The following MCTP1 variants were observed in gnomAD, a reference collection of about 807,000 sequenced individuals.
MCTP1 encodes the protein multiple C2 and transmembrane domain-containing protein 1.
A neutral mutation model predicts 120.6 loss-of-function variants in MCTP1; 69 were observed. The ratio of observed to expected loss-of-function variants is 0.57; its 90% CI spans 0.47 to 0.70. MCTP1 has a LOEUF of 0.70. Ranked by LOEUF, MCTP1 falls within the 30% of genes least tolerant of loss-of-function variation. MCTP1 has a pLI of 0.00. For synonymous variants in MCTP1, 529 were observed against 493.1 expected, an observed-to-expected ratio of 1.07 and a Z score of -0.96; for missense variants, 1,203 against 1,248.8, an observed-to-expected ratio of 0.96 and a Z score of 0.55.
chr5:95,078,643 T>C (rs1270918846), intron 1 of MCTP1, among the ~76,000 whole-genome samples: 1 of 152,188 alleles, frequency 6.6e-6, no homozygotes, highest in African/African-American at 2.4e-5. Context: ...TGTAGTACTT[T>C]ATAGCAGTCA....
chr5:94,868,180 G>A, intron 17 of MCTP1, 153 bp downstream of exon 17: 1 of 623,264 alleles, frequency 1.6e-6, no homozygotes, highest in Non-Finnish European at 2.4e-6. Flanking sequence ...AATCCATCAG[G>A]TTCCTGCCCA....
intron 1 of MCTP1, among the ~76,000 whole-genome samples, chr5:95,044,752 T>C (rs1842894674): frequency 6.6e-6 from 1 of 151,950 alleles, no homozygotes; most frequent in African/African-American, 2.4e-5. Flanking sequence ...ATCAGAAGTG[T>C]ACCCTTCAAC....
chr5:94,913,738 T>C (rs893653376), intron 8 of MCTP1, among the ~76,000 whole-genome samples: 1 of 152,142 alleles, frequency 6.6e-6, no homozygotes, highest in African/African-American at 2.4e-5. Flanking sequence ...AGAGTCTTGC[T>C]CTGTCACCCA....
chr5:95,092,612 T>C (rs1264366567), intron 1 of MCTP1, among the ~76,000 whole-genome samples: 1 of 152,040 alleles, frequency 6.6e-6, no homozygotes, highest in Non-Finnish European at 1.5e-5. Flanking sequence ...ATTGTATAGA[T>C]GTATCAAAAT....
intron 1 of MCTP1, among the ~76,000 whole-genome samples, chr5:95,168,112 A>G (rs1437780666): frequency 6.6e-6 from 1 of 152,218 alleles, no homozygotes; most frequent in Non-Finnish European, 1.5e-5. Flanking sequence ...CTTTCTACAT[A>G]TGGCTAGCCA....
intron 2 of MCTP1, among the ~76,000 whole-genome samples, chr5:95,004,367 T>C (rs1286834689): frequency 1.3e-5 from 2 of 152,308 alleles, no homozygotes; most frequent in East Asian, 1.9e-4. Context: ...GAAAAATCCA[T>C]TTTCTGGGGA....
intron 2 of MCTP1, among the ~76,000 whole-genome samples, chr5:94,956,025 G>A (rs1427434557): frequency 6.6e-6 from 1 of 152,178 alleles, no homozygotes; most frequent in African/African-American, 2.4e-5. Context: ...AGTTCTGGCT[G>A]GTATCTGGTG....
chr5:95,259,524 A>G (rs1256158976), intron 1 of MCTP1, among the ~76,000 whole-genome samples: 1 of 152,148 alleles, frequency 6.6e-6, no homozygotes, highest in African/African-American at 2.4e-5. Context: ...CTCGAAATCA[A>G]CAACATTGTC....
intron 2 of MCTP1, among the ~76,000 whole-genome samples, chr5:94,970,302 T>C (rs1281329814): frequency 1.3e-5 from 2 of 152,014 alleles, no homozygotes; most frequent in Non-Finnish European, 2.9e-5. Context: ...TATGTATGGA[T>C]GTATTTGGGA....
chr5:94,758,084 G>A (rs762941154), intron 19 of MCTP1, among the ~76,000 whole-genome samples: 1 of 152,168 alleles, frequency 6.6e-6, no homozygotes, highest in Non-Finnish European at 1.5e-5. Context: ...GGCAACAGAT[G>A]TATGTCTGAG....
chr5:95,081,443 G>A, intron 1 of MCTP1: 1 of 1,611,244 alleles, frequency 6.2e-7, no homozygotes, highest in Non-Finnish European at 8.5e-7. Context: ...CAAATAAATG[G>A]CAAATTGCAG....
chr5:94,983,820 G>C (rs185666745), intron 2 of MCTP1, among the ~76,000 whole-genome samples: 50 of 152,300 alleles, frequency 3.3e-4, no homozygotes, highest in South Asian at 2.1e-3. Context: ...GCCCTTGCAA[G>C]GATGGCTGAT....
chr5:94,827,004 CT>C (rs1191352982), intron 17 of MCTP1, among the ~76,000 whole-genome samples: 1 of 151,900 alleles, frequency 6.6e-6, no homozygotes. Flanking sequence ...GAATTTGATC[CT>C]GCATTATGAT....
chr5:94,716,754 GTT>G (rs35567543), intron 19 of MCTP1, among the ~76,000 whole-genome samples: 3 of 145,326 alleles, frequency 2.1e-5, no homozygotes, highest in East Asian at 2.0e-4. Context: ...TATATAAAAA[GTT>G]TTTTTTTTTT....
At chr5:95,084,912 G>A (rs374215129) in intron 1 of MCTP1, among the ~76,000 whole-genome samples, 36 of 152,174 alleles carry the variant, frequency 2.4e-4, no homozygotes, top group African/African-American at 8.2e-4. Context: ...AGCTGAAGGT[G>A]CTTAGAGTCT....
Position 94,800,920 on chromosome 5 carries a change from G to A in MCTP1, c.2437-1788C>T, listed in dbSNP as rs370505241. On this transcript the variant is annotated intron_variant, in intron 17 of 22. Transcript: ENST00000515393. ...ATCTTTTATTTTATGAGAAAAGTAG[G>A]AAGATTTCCAGAAAAAGAAAAATAT... Among the ~76,000 whole-genome samples the A allele has an allele frequency of 9.9e-5, 15 of 152,002 alleles. No individual in the cohort carries two copies. In the East Asian group the frequency reaches 2.9e-3, roughly 29 times the overall value.
At chr5:94,755,844 T>C (rs983859000) in intron 19 of MCTP1, among the ~76,000 whole-genome samples, 1 of 152,232 alleles carries the variant, frequency 6.6e-6, no homozygotes, top group Admixed American at 6.5e-5. Context: ...TAAAAGTCTC[T>C]GCTATAACCT....
At chr5:94,929,562 A>C (rs953666615) in intron 6 of MCTP1, 8 of 742,158 alleles carry the variant, frequency 1.1e-5, no homozygotes, top group Admixed American at 1.3e-4. Context: ...ATATTTAGAA[A>C]ATGATGCATT....
chr5:94,709,687 C>G (rs778018430), intron 21 of MCTP1: 7 of 152,010 alleles, frequency 4.6e-5, no homozygotes, highest in Non-Finnish European at 1.0e-4. Context: ...TTATTCTTCC[C>G]TTATATAATG....
Sources: gnomAD v4.1 joint callset for allele counts (sites outside exome capture counted in the v4.1 genomes callset) on GRCh38, gnomAD v4.1.1 for gene constraint, MANE v1.5 for transcripts, NCBI Gene and HGNC (gene_info 2026-07-23, HGNC 2026-07-21) for gene names.